The following PPM1H variants were observed in gnomAD, a reference collection of about 807,000 sequenced individuals.
The protein encoded by PPM1H is protein phosphatase, Mg2+/Mn2+ dependent 1H.
PPM1H carries 27 observed loss-of-function variants against 54.9 expected under a neutral mutation model. The ratio of observed to expected loss-of-function variants is 0.49; its 90% confidence interval spans 0.36 to 0.68. The LOEUF is 0.68. Ranked by LOEUF, PPM1H falls within the 30% of genes least tolerant of loss-of-function variation. PPM1H has a pLI of 0.00. For missense variants in PPM1H, 596 were observed against 667.8 expected (o/e 0.89, Z 1.19); for synonymous variants, 305 against 270.8 (o/e 1.13, Z -1.24).
In PPM1H at chr12:62,646,584, C is replaced by G. The variant is rs182950525; in HGVS notation, c.*1905G>C. On this transcript the variant is annotated 3_prime_UTR_variant, in exon 10 of 10. Coordinates refer to ENST00000228705, the MANE Select transcript of PPM1H (RefSeq NM_020700.2). ...ACTCTGCCACGAAGCAAAGCATTTTCCACAAACTTCTCTCCATAGAGATAT... is the reference window on the plus strand; with the variant it reads ...ACTCTGCCACGAAGCAAAGCATTTTGCACAAACTTCTCTCCATAGAGATAT... The G allele has an allele frequency of 1.3e-5, 2 of 152,280 alleles. No individual in the cohort carries two copies. Among genetic ancestry groups the G allele is most frequent in the Admixed American group, 6.5e-5 (1 of 15,290 alleles). The allele number at this position is 152,280 out of a possible 1,614,324, so 9.4% of individuals were successfully genotyped here.
intron 4 of PPM1H, among the ~76,000 whole-genome samples, chr12:62,742,356 A>C (rs1337364226): frequency 6.6e-6 from 1 of 152,232 alleles, no homozygotes; most frequent in Non-Finnish European, 1.5e-5. Context: ...CTACATCACG[A>C]TGCCTCTTCC....
At chr12:62,709,796 C>T (rs755372269) in intron 6 of PPM1H, among the ~76,000 whole-genome samples, 1 of 152,202 alleles carries the variant, frequency 6.6e-6, no homozygotes, top group African/African-American at 2.4e-5. Flanking sequence ...AAAGGCCGGG[C>T]GTGGTGGCTC....
At chr12:62,655,011 T>A (rs1406043169) in intron 9 of PPM1H, among the ~76,000 whole-genome samples, 1 of 152,180 alleles carries the variant, frequency 6.6e-6, no homozygotes, top group Non-Finnish European at 1.5e-5. Flanking sequence ...GCAGTGTGCG[T>A]GGACAACTGA....
At chr12:62,828,433 T>C (rs974032092) in intron 2 of PPM1H, among the ~76,000 whole-genome samples, 16 of 152,354 alleles carry the variant, frequency 1.1e-4, no homozygotes, top group African/African-American at 3.8e-4. Context: ...TAAATGCTCT[T>C]CCTTCAAATA....
intron 6 of PPM1H, among the ~76,000 whole-genome samples, chr12:62,700,361 T>C (rs972652334): frequency 6.6e-5 from 10 of 152,122 alleles, no homozygotes; most frequent in Admixed American, 1.3e-4. Context: ...CTCAGGCCAG[T>C]TTCTCTCCTT....
intron 5 of PPM1H, among the ~76,000 whole-genome samples, chr12:62,730,267 C>T (rs567012928): frequency 1.3e-5 from 2 of 152,242 alleles, no homozygotes; most frequent in East Asian, 1.9e-4. Context: ...GGAAGTTTCC[C>T]GTTTAAGCTG....
chr12:62,731,562 C>A (rs540250811), intron 5 of PPM1H, among the ~76,000 whole-genome samples: 17 of 152,262 alleles, frequency 1.1e-4, no homozygotes, highest in African/African-American at 3.8e-4. Context: ...CAAACAGAAC[C>A]CGGCTCGGCG....
intron 1 of PPM1H, among the ~76,000 whole-genome samples, chr12:62,921,127 G>A (rs937714710): frequency 6.6e-6 from 1 of 151,980 alleles, no homozygotes; most frequent in Non-Finnish European, 1.5e-5. Context: ...GTTTTGCCAT[G>A]TTGGCCAGGC....
chr12:62,788,091 T>C (rs983444619), intron 4 of PPM1H, 135 bp downstream of exon 4: 7 of 648,526 alleles, frequency 1.1e-5, no homozygotes, highest in Non-Finnish European at 1.9e-5. Flanking sequence ...ATCAACCTGA[T>C]TGTCCTTAAA....
chr12:62,712,794 T>C (rs2076214568), intron 6 of PPM1H, among the ~76,000 whole-genome samples: 1 of 152,134 alleles, frequency 6.6e-6, no homozygotes, highest in Admixed American at 6.5e-5. Flanking sequence ...AAAACCGCCT[T>C]GGGATCCGTG....
chr12:62,793,739 T>TAAAAAAAAAAA (rs2076714193), intron 3 of PPM1H, among the ~76,000 whole-genome samples: 1 of 51,434 alleles, frequency 1.9e-5, no homozygotes, highest in Admixed American at 2.3e-4. Context: ...AAACTCCGTT[T>TAAAAAAAAAAA]CAAAAAAAAA....
rs71278272 is a variant in PPM1H at position 62,692,932 on chromosome 12, G to GACACACACACACACACACACAC, written c.1137+982_1137+1003dup. 4.4e-3 allele frequency among the ~76,000 whole-genome samples: 645 copies of GACACACACACACACACACACAC among 146,788 alleles called. 14 individuals are homozygous for GACACACACACACACACACACAC. The highest frequency in any genetic ancestry group is 0.016 in the African/African-American group (608 of 39,048). On this transcript the variant is annotated intron_variant, in intron 7 of 9. Coordinates refer to ENST00000228705, the MANE Select transcript of PPM1H (RefSeq NM_020700.2). ...ATGTTTGTTCTCTTGCTTTTGCTCT[G>GACACACACACACACACACACAC]ACACACACACACACACACACACACA... is the stretch of plus-strand genomic sequence containing the variant.
intron 1 of PPM1H, among the ~76,000 whole-genome samples, chr12:62,926,885 C>T (rs539620038): frequency 2.6e-5 from 4 of 152,244 alleles, no homozygotes; most frequent in South Asian, 2.1e-4. Context: ...ACCCGGGAGG[C>T]GGAGGTTGCA....
chr12:62,734,967 C>T (rs2076342921), intron 5 of PPM1H, among the ~76,000 whole-genome samples: 1 of 152,048 alleles, frequency 6.6e-6, no homozygotes, highest in Non-Finnish European at 1.5e-5. Flanking sequence ...TTTGTTGGGC[C>T]TAGGAGGTTG....
In PPM1H at chr12:62,667,162, G is replaced by A. The variant is rs906761054; in HGVS notation, c.1397+16C>T. The A allele has an allele frequency of 1.9e-6, 3 of 1,553,100 alleles. No homozygotes were observed. Among genetic ancestry groups the A allele is most frequent in the East Asian group, 2.2e-5 (1 of 44,520 alleles). On this transcript the variant is annotated intron_variant, in intron 9 of 9. Coordinates refer to ENST00000228705, the MANE Select transcript of PPM1H (RefSeq NM_020700.2). ...ATGCTTGAGGAACAACCCTACAATT[G>A]TAGAAATGCACAAACCTGTGAGGAT...
At chr12:62,687,647 G>C (rs975307018) in intron 8 of PPM1H, among the ~76,000 whole-genome samples, 1 of 151,542 alleles carries the variant, frequency 6.6e-6, no homozygotes, top group East Asian at 1.9e-4. Context: ...ACCTGCTCTT[G>C]GGAAGTACAT....
At chr12:62,911,886 C>T (rs889459130) in intron 1 of PPM1H, among the ~76,000 whole-genome samples, 21 of 152,198 alleles carry the variant, frequency 1.4e-4, no homozygotes, top group Non-Finnish European at 2.1e-4. Flanking sequence ...ATGTGTACTC[C>T]AATGACACCC....
intron 1 of PPM1H, among the ~76,000 whole-genome samples, chr12:62,873,522 C>T (rs913772756): frequency 6.6e-6 from 1 of 152,130 alleles, no homozygotes; most frequent in Non-Finnish European, 1.5e-5. Context: ...AGGTAATTAT[C>T]CCCCACTGAA....
At chr12:62,911,088 A>G (rs2246214) in intron 1 of PPM1H, among the ~76,000 whole-genome samples, 49,598 of 152,050 alleles carry the variant, frequency 0.33, 9,670 homozygotes, top group Non-Finnish European at 0.45. Flanking sequence ...CTAGAAAGCA[A>G]ATCAGCTAAA....
Sources: gnomAD v4.1 joint callset for allele counts (sites outside exome capture counted in the v4.1 genomes callset) on GRCh38, gnomAD v4.1.1 for gene constraint, MANE v1.5 for transcripts, NCBI Gene and HGNC (gene_info 2026-07-23, HGNC 2026-07-21) for gene names.